The following KHDRBS2 variants were observed in gnomAD, a reference collection of about 807,000 sequenced individuals.
KHDRBS2 encodes KH RNA binding domain containing, signal transduction associated 2.
KHDRBS2 carries 26 observed loss-of-function variants against 44.3 expected under a neutral mutation model. The observed-to-expected ratio is 0.59, with a 90% CI of 0.43 to 0.81. The LOEUF (loss-of-function observed/expected upper bound fraction) is 0.81, where lower values mean the gene tolerates loss of function less well. KHDRBS2 is among the 40% of genes least tolerant of loss of function. KHDRBS2 has a pLI of 0.00. For missense variants in KHDRBS2, 476 were observed against 433.1 expected, an observed-to-expected ratio of 1.10 and a Z score of -0.88; for synonymous variants, 194 against 151.1, an observed-to-expected ratio of 1.28 and a Z score of -2.08.
chr6:61,981,814 T>G (rs910757978), intron 3 of KHDRBS2, among the ~76,000 whole-genome samples: 1 of 152,180 alleles, frequency 6.6e-6, no homozygotes, highest in African/African-American at 2.4e-5. Context: ...GGAAGCATTG[T>G]CAAATAAGAA....
Position 61,857,345 on chromosome 6 carries a change from T to A in KHDRBS2, c.810+37290A>T, listed in dbSNP as rs115051935. On this transcript the variant is annotated intron_variant, in intron 6 of 8. Coordinates refer to ENST00000281156, the MANE Select transcript of KHDRBS2 (RefSeq NM_152688.4). The stretch of plus-strand genomic sequence containing the variant: ...TTAAATTTCCATGACTTTCTAATGA[T>A]GTTCCTTTTTATATCAATCATCCAC... Among the ~76,000 whole-genome samples the A allele has an allele frequency of 9.7e-4, 148 of 152,192 alleles. 1 individual carries two copies. Among genetic ancestry groups the A allele is most frequent in the African/African-American group, 3.4e-3 (142 of 41,570 alleles).
intron 6 of KHDRBS2, among the ~76,000 whole-genome samples, chr6:61,773,447 G>A (rs1781352022): frequency 1.3e-5 from 2 of 152,136 alleles, no homozygotes; most frequent in African/African-American, 2.4e-5. Context: ...CTTCTTTTGA[G>A]AAGTGTCTGT....
intron 1 of KHDRBS2, among the ~76,000 whole-genome samples, chr6:62,229,580 G>A (rs1832551610): frequency 6.6e-6 from 1 of 152,188 alleles, no homozygotes; most frequent in Non-Finnish European, 1.5e-5. Flanking sequence ...TAGCTTAGTG[G>A]CTATTGAGAA....
intron 3 of KHDRBS2, among the ~76,000 whole-genome samples, chr6:62,016,279 A>G (rs1781189958): frequency 6.6e-6 from 1 of 152,082 alleles, no homozygotes; most frequent in Non-Finnish European, 1.5e-5. Flanking sequence ...TTTTAGAAAT[A>G]ATTTGTGAGA....
the KHDRBS2 span, among the ~76,000 whole-genome samples, chr6:61,554,491 G>C: frequency 2.0e-5 from 3 of 151,986 alleles, no homozygotes; most frequent in Non-Finnish European, 2.9e-5. Context: ...AATTTTAAGG[G>C]ATATTTAGCC....
intron 6 of KHDRBS2, among the ~76,000 whole-genome samples, chr6:61,790,454 A>G (rs892018471): frequency 2.0e-5 from 3 of 151,198 alleles, no homozygotes; most frequent in African/African-American, 4.8e-5. Context: ...GCCTGAACCA[A>G]TAAGAATAAT....
chr6:61,901,451 A>C, intron 4 of KHDRBS2, 80 bp from the exon 5 acceptor site: 1 of 1,077,692 alleles, frequency 9.3e-7, no homozygotes, highest in African/African-American at 1.6e-5. Flanking sequence ...AAGAAACAAA[A>C]CAAAACGCAA....
chr6:61,871,212 C>T (rs1054787871), intron 6 of KHDRBS2, among the ~76,000 whole-genome samples: 1 of 152,128 alleles, frequency 6.6e-6, no homozygotes, highest in African/African-American at 2.4e-5. Context: ...GTCAAGCATA[C>T]ACAAGTATCC....
intron 7 of KHDRBS2, among the ~76,000 whole-genome samples, chr6:61,699,215 C>CCATTT (rs1389662503): frequency 1.3e-5 from 2 of 151,800 alleles, no homozygotes; most frequent in Non-Finnish European, 2.9e-5. Context: ...AGCCCAGACA[C>CCATTT]CATTTAATTG....
At chr6:61,682,125 C>T (rs374205123) in intron 8 of KHDRBS2, among the ~76,000 whole-genome samples, 1 of 151,790 alleles carries the variant, frequency 6.6e-6, no homozygotes, top group Admixed American at 6.6e-5. Flanking sequence ...GCATTTGCCC[C>T]CAGATAGTTC....
At chr6:62,195,113 T>C (rs1342003708) in intron 1 of KHDRBS2, among the ~76,000 whole-genome samples, 1 of 152,154 alleles carries the variant, frequency 6.6e-6, no homozygotes, top group African/African-American at 2.4e-5. Flanking sequence ...TTCAACAAAG[T>C]TTTATAATTT....
chr6:62,111,063 T>A (rs955547379), intron 2 of KHDRBS2, among the ~76,000 whole-genome samples: 5 of 152,134 alleles, frequency 3.3e-5, no homozygotes, highest in Admixed American at 6.6e-5. Context: ...AAACTGCTTA[T>A]AACTTGTAAC....
intron 4 of KHDRBS2, among the ~76,000 whole-genome samples, chr6:61,908,327 T>G (rs1333773461): frequency 2.0e-5 from 3 of 152,022 alleles, no homozygotes; most frequent in Non-Finnish European, 4.4e-5. Context: ...AAAATTTAAT[T>G]TCCAGTCATT....
At chr6:61,804,510 G>C (rs1786814449) in intron 6 of KHDRBS2, among the ~76,000 whole-genome samples, 1 of 152,270 alleles carries the variant, frequency 6.6e-6, no homozygotes, top group African/African-American at 2.4e-5. Flanking sequence ...GTACCAGTGG[G>C]GGCCCCAACC....
chr6:61,673,998 T>C, the KHDRBS2 span, among the ~76,000 whole-genome samples: 1 of 151,798 alleles, frequency 6.6e-6, no homozygotes, highest in Non-Finnish European at 1.5e-5. Flanking sequence ...CCTTATTCTT[T>C]AAAGCAGAGT....
the KHDRBS2 span, among the ~76,000 whole-genome samples, chr6:61,570,747 G>A: frequency 6.6e-6 from 1 of 152,158 alleles, no homozygotes; most frequent in South Asian, 2.1e-4. Flanking sequence ...CAGCTCAGAA[G>A]GGATTGGGGT....
chr6:62,072,388 G>C (rs886608461), intron 2 of KHDRBS2, among the ~76,000 whole-genome samples: 2 of 152,132 alleles, frequency 1.3e-5, no homozygotes, highest in Admixed American at 1.3e-4. Context: ...CGTTGAATAG[G>C]AGTGGTGAGA....
the KHDRBS2 span, among the ~76,000 whole-genome samples, chr6:61,615,227 CATCTCCA>C: frequency 1.5e-4 from 5 of 32,374 alleles, no homozygotes; most frequent in Non-Finnish European, 2.5e-4. Flanking sequence ...AGCAAGACTC[CATCTCCA>C]AAAAAAAAAA....
intron 1 of KHDRBS2, among the ~76,000 whole-genome samples, chr6:62,184,901 T>C (rs936718121): frequency 6.6e-6 from 1 of 151,896 alleles, no homozygotes; most frequent in African/African-American, 2.4e-5. Context: ...TTTAAAATTA[T>C]TATGCTGCAT....
Sources: allele counts gnomAD v4.1 joint callset (sites outside exome capture counted in the v4.1 genomes callset), GRCh38; gene constraint gnomAD v4.1.1; transcripts MANE v1.5; gene names NCBI Gene and HGNC (gene_info 2026-07-23, HGNC 2026-07-21).